The following ANXA8 variants were observed in gnomAD, a reference collection of about 807,000 sequenced individuals.
ANXA8 encodes VAC-beta.
Under a neutral mutation model 26.8 loss-of-function variants are expected in ANXA8, and 9 were observed. The ratio of observed to expected loss-of-function variants is 0.34; its 90% CI spans 0.20 to 0.59. The LOEUF is 0.59. Among genes scored for constraint, ANXA8 ranks in the 20% least tolerant of loss-of-function variants. The probability of loss-of-function intolerance (pLI) is 0.84; values close to 1 mark genes in which losing one functional copy is unlikely to be tolerated. For missense variants in ANXA8, 83 were observed against 238.5 expected (o/e 0.35, Z 4.29); for synonymous variants, 39 against 94.8 (o/e 0.41, Z 3.42).
the ANXA8 span, among the ~76,000 whole-genome samples, chr10:47,682,564 G>A: frequency 1.3e-5 from 2 of 151,024 alleles, no homozygotes; most frequent in Admixed American, 6.6e-5. Context: ...CCACCTCCCG[G>A]GTTCAAGCGA....
the ANXA8 span, chr10:47,553,279 C>T: frequency 6.6e-6 from 1 of 152,172 alleles, no homozygotes; most frequent in Non-Finnish European, 1.5e-5. Flanking sequence ...CCAGTCCGGG[C>T]TCTCTGCAGG....
chr10:47,497,897 C>T, the ANXA8 span, among the ~76,000 whole-genome samples: 2 of 152,218 alleles, frequency 1.3e-5, no homozygotes, highest in East Asian at 3.9e-4. Context: ...CGAGACGGCG[C>T]CATTGCACTC....
At chr10:47,704,880 A>G in the ANXA8 span, among the ~76,000 whole-genome samples, 17 of 150,888 alleles carry the variant, frequency 1.1e-4, no homozygotes, top group Non-Finnish European at 2.2e-4. Flanking sequence ...TGAAATAAAC[A>G]TACTTTATTC....
the ANXA8 span, among the ~76,000 whole-genome samples, chr10:47,680,663 T>G: frequency 6.6e-6 from 1 of 151,818 alleles, no homozygotes; most frequent in African/African-American, 2.4e-5. Context: ...TTGTACCCCA[T>G]AAGTATGTAC....
the ANXA8 span, among the ~76,000 whole-genome samples, chr10:47,544,078 G>A: frequency 4.6e-5 from 7 of 151,510 alleles, no homozygotes; most frequent in East Asian, 1.9e-4. Context: ...CTGAAGGCAC[G>A]CACGAAGGAC....
rs1839437457 is a variant in ANXA8 at position 47,474,456 on chromosome 10, A to G, written c.553-58T>C. The G allele has an allele frequency of 3.5e-6, 4 of 1,147,192 alleles. No homozygotes were observed. In the African/African-American group the frequency reaches 7.2e-5, roughly 21 times the overall value. 71.1% of individuals were successfully genotyped at this position (1,147,192 alleles called of 1,614,324 possible). On this transcript the variant is annotated intron_variant, in intron 7 of 11. Coordinates refer to ENST00000585281, the MANE Select transcript of ANXA8 (RefSeq NM_001040084.3). The stretch of plus-strand genomic sequence containing the variant: ...GGGAGACCAGGGAGGTGAGGGACTG[A>G]GCCCCAGAGTCCCAGAGCTGTGGCC...
chr10:47,976,544 T>TACACACAC, the ANXA8 span, among the ~76,000 whole-genome samples: 24 of 132,254 alleles, frequency 1.8e-4, no homozygotes, highest in African/African-American at 4.4e-4. Flanking sequence ...CCTCTGTCTT[T>TACACACAC]ACACACACAC....
At chr10:47,776,745 G>A in the ANXA8 span, among the ~76,000 whole-genome samples, 6 of 152,040 alleles carry the variant, frequency 3.9e-5, no homozygotes, top group South Asian at 1.2e-3. Flanking sequence ...TAGAGTGTGA[G>A]TAATATATTT....
the ANXA8 span, among the ~76,000 whole-genome samples, chr10:47,667,484 C>T: frequency 2.0e-3 from 307 of 151,922 alleles, 4 homozygotes; most frequent in Admixed American, 5.8e-3. Flanking sequence ...ATGCTCTGCA[C>T]TCAGTGTTTT....
the ANXA8 span, among the ~76,000 whole-genome samples, chr10:47,747,710 C>CCA: frequency 1.4e-5 from 2 of 147,384 alleles, no homozygotes; most frequent in African/African-American, 5.0e-5. Context: ...ATCAAACACA[C>CCA]CACAAAACAG....
the ANXA8 span, among the ~76,000 whole-genome samples, chr10:47,495,289 A>AT: frequency 2.5e-4 from 25 of 100,558 alleles, no homozygotes; most frequent in South Asian, 2.9e-3. Flanking sequence ...TATTATTATT[A>AT]TTATTATTAT....
At chr10:47,683,390 A>G in the ANXA8 span, among the ~76,000 whole-genome samples, 5 of 151,526 alleles carry the variant, frequency 3.3e-5, no homozygotes, top group Admixed American at 2.0e-4. Context: ...CACCACGCCC[A>G]GCTAATTTTT....
At chr10:47,704,574 T>C in the ANXA8 span, among the ~76,000 whole-genome samples, 1 of 150,754 alleles carries the variant, frequency 6.6e-6, no homozygotes, top group Non-Finnish European at 1.5e-5. Context: ...AAAATAGATA[T>C]GTAAAGATTG....
At chr10:47,974,902 C>A in the ANXA8 span, among the ~76,000 whole-genome samples, 3 of 149,244 alleles carry the variant, frequency 2.0e-5, no homozygotes, top group Non-Finnish European at 4.5e-5. Flanking sequence ...GTCTATGAGG[C>A]CCTTGTAGAT....
chr10:47,591,434 A>AT, the ANXA8 span, among the ~76,000 whole-genome samples: 2,867 of 60,252 alleles, frequency 0.048, 433 homozygotes, highest in Admixed American at 0.067. Flanking sequence ...TTCTTTCTGA[A>AT]TTTTTTTTTT....
chr10:47,678,694 T>C, the ANXA8 span, among the ~76,000 whole-genome samples: 1 of 151,740 alleles, frequency 6.6e-6, no homozygotes, highest in African/African-American at 2.4e-5. Flanking sequence ...CTAATACATG[T>C]ATAATTGGAG....
the ANXA8 span, among the ~76,000 whole-genome samples, chr10:47,746,422 A>G: frequency 1.6e-5 from 1 of 64,268 alleles, no homozygotes; most frequent in Admixed American, 1.7e-4. Context: ...CCTGGGAGGC[A>G]GAGGTTGCGG....
chr10:47,665,206 A>G, the ANXA8 span, among the ~76,000 whole-genome samples: 1 of 148,898 alleles, frequency 6.7e-6, no homozygotes, highest in African/African-American at 2.6e-5. Context: ...GATGGCTGCT[A>G]TTTTTATTTA....
chr10:47,600,382 G>A, the ANXA8 span, among the ~76,000 whole-genome samples: 1 of 149,050 alleles, frequency 6.7e-6, no homozygotes, highest in African/African-American at 2.5e-5. Context: ...CCCCGGGGCG[G>A]CCTGGCTTTT....
Sources: allele counts gnomAD v4.1 joint callset (sites outside exome capture counted in the v4.1 genomes callset), GRCh38; gene constraint gnomAD v4.1.1; transcripts MANE v1.5; gene names NCBI Gene and HGNC (gene_info 2026-07-23, HGNC 2026-07-21).